The following PSMD14 variants were observed in gnomAD, a reference collection of about 807,000 sequenced individuals.
PSMD14 encodes the protein ubiquitin C-terminal hydrolase PSMD14.
In PSMD14, 7 loss-of-function variants were observed where a neutral mutation model predicts 41.2. The observed-to-expected ratio is 0.17, with a 90% CI of 0.10 to 0.32. The LOEUF is 0.32. PSMD14 is among the 10% of genes least tolerant of loss of function. The pLI is 1.00. For missense variants in PSMD14, 139 were observed against 375.6 expected (o/e 0.37, Z 5.21); for synonymous variants, 114 against 122.3 (o/e 0.93, Z 0.45).
intron 3 of PSMD14, among the ~76,000 whole-genome samples, chr2:161,321,821 C>T (rs560107782): frequency 1.3e-5 from 2 of 152,286 alleles, no homozygotes; most frequent in South Asian, 4.1e-4. Flanking sequence ...AGCTCCTGTG[C>T]CCTCTCTTCA....
intron 3 of PSMD14, among the ~76,000 whole-genome samples, chr2:161,337,973 A>G (rs956956851): frequency 6.6e-6 from 1 of 152,262 alleles, no homozygotes; most frequent in African/African-American, 2.4e-5. Context: ...AAGAATAAAA[A>G]GGGATGAGAA....
chr2:161,411,420 A>G lies in PSMD14; in HGVS notation c.*20A>G. ...AAATAAAGCAACGAAAAACGCTATTAATGATGCCTTCAGTGTATATTCCTC... is the reference window on the plus strand; with the variant it reads ...AAATAAAGCAACGAAAAACGCTATTGATGATGCCTTCAGTGTATATTCCTC... On this transcript the variant is annotated 3_prime_UTR_variant, in exon 12 of 12. Transcript: ENST00000409682. 4 of 1,522,902 alleles carry G rather than the reference A, an allele frequency of 2.6e-6. No homozygotes were observed. The highest frequency in any genetic ancestry group is 3.6e-6 in the Non-Finnish European group (4 of 1,104,134). 94.3% of individuals were successfully genotyped at this position (1,522,902 alleles called of 1,614,324 possible). A position where few individuals can be genotyped will look rare whatever the true frequency, so the allele number is the denominator to read the frequency against.
chr2:161,386,268 T>A (rs1224209968), intron 8 of PSMD14, among the ~76,000 whole-genome samples: 1 of 151,900 alleles, frequency 6.6e-6, no homozygotes, highest in African/African-American at 2.4e-5. Flanking sequence ...TCTGTGTCTA[T>A]CTAGTTAATT....
intron 7 of PSMD14, among the ~76,000 whole-genome samples, chr2:161,373,240 T>G (rs766604064): frequency 6.6e-6 from 1 of 151,912 alleles, no homozygotes; most frequent in Non-Finnish European, 1.5e-5. Flanking sequence ...ATAATATATC[T>G]AAAATTTATG....
chr2:161,394,499 A>G (rs1574140757), intron 9 of PSMD14, among the ~76,000 whole-genome samples: 1 of 152,206 alleles, frequency 6.6e-6, no homozygotes, highest in African/African-American at 2.4e-5. Flanking sequence ...GGCATTTGAA[A>G]GCTAGGCTAT....
At chr2:161,351,412 CCTT>C (rs1683115807) in intron 3 of PSMD14, among the ~76,000 whole-genome samples, 2 of 152,276 alleles carry the variant, frequency 1.3e-5, no homozygotes, top group South Asian at 4.1e-4. Context: ...TTTGCTCTGA[CCTT>C]CTCATATCTC....
chr2:161,332,073 A>T (rs1246491801), intron 3 of PSMD14, among the ~76,000 whole-genome samples: 1 of 152,170 alleles, frequency 6.6e-6, no homozygotes, highest in Non-Finnish European at 1.5e-5. Flanking sequence ...TAGTCTTGTA[A>T]TTTTTATTGT....
chr2:161,378,601 C>T (rs1683533961), intron 7 of PSMD14, among the ~76,000 whole-genome samples: 1 of 151,904 alleles, frequency 6.6e-6, no homozygotes, highest in South Asian at 2.1e-4. Context: ...AGACACAAAC[C>T]TTGCTGTTGA....
At chr2:161,388,487 G>A (rs1298498139) in intron 8 of PSMD14, among the ~76,000 whole-genome samples, 1 of 151,976 alleles carries the variant, frequency 6.6e-6, no homozygotes, top group Non-Finnish European at 1.5e-5. Flanking sequence ...TATATATACA[G>A]TTAAAAAAAT....
intron 3 of PSMD14, among the ~76,000 whole-genome samples, chr2:161,324,693 A>C (rs1682668435): frequency 6.7e-6 from 1 of 149,856 alleles, no homozygotes; most frequent in Non-Finnish European, 1.5e-5. Flanking sequence ...TTGTGAGGTA[A>C]TTTGATCTGT....
Position 161,408,902 on chromosome 2 carries a change from G to A in PSMD14, c.834+3G>A. ...CAATAAAGAATGTTGGCAAGCAGGT[G>A]AGGTGTACTGTTAATAAGTTATGCA... On this transcript the variant is annotated splice_donor_region_variant and intron_variant, in intron 11 of 11. Transcript: ENST00000409682. 1 of 1,594,880 alleles carries A rather than the reference G, an allele frequency of 6.3e-7. No homozygotes were observed. The highest frequency in any genetic ancestry group is 8.6e-7 in the Non-Finnish European group (1 of 1,164,816).
intron 3 of PSMD14, among the ~76,000 whole-genome samples, chr2:161,323,314 C>T (rs1226363168): frequency 2.1e-4 from 32 of 152,220 alleles, no homozygotes; most frequent in Non-Finnish European, 7.4e-5. Flanking sequence ...TTTCTCATTA[C>T]GGTGTCCATT....
intron 1 of PSMD14, among the ~76,000 whole-genome samples, chr2:161,310,806 G>T (rs1363561952): frequency 4.6e-5 from 7 of 152,064 alleles, no homozygotes; most frequent in South Asian, 2.1e-4. Context: ...GAGGTCAACT[G>T]GTTCAAGAGC....
intron 3 of PSMD14, among the ~76,000 whole-genome samples, chr2:161,321,031 T>C (rs1256507080): frequency 1.3e-5 from 2 of 152,250 alleles, no homozygotes; most frequent in Admixed American, 1.3e-4. Context: ...CAGACTATTA[T>C]TTATTTTTAA....
intron 3 of PSMD14, among the ~76,000 whole-genome samples, chr2:161,348,565 C>T (rs1290489756): frequency 6.6e-6 from 1 of 152,178 alleles, no homozygotes; most frequent in Non-Finnish European, 1.5e-5. Context: ...ATAATCCTCA[C>T]ATAGTTCATA....
chr2:161,396,623 G>A (rs1319192808), intron 10 of PSMD14, among the ~76,000 whole-genome samples: 1 of 152,134 alleles, frequency 6.6e-6, no homozygotes, highest in Non-Finnish European at 1.5e-5. Flanking sequence ...TACCAGGAAT[G>A]TGAGGTTTGG....
intron 9 of PSMD14, 43 bp from the exon 10 acceptor site, chr2:161,395,035 T>C (rs1441302086): frequency 6.7e-7 from 1 of 1,487,106 alleles, no homozygotes; most frequent in Non-Finnish European, 9.0e-7. Flanking sequence ...GAAGGGGGTA[T>C]CCTCAAGGCA....
intron 5 of PSMD14, 54 bp downstream of exon 5, chr2:161,367,957 C>A (rs1683381617): frequency 6.4e-7 from 1 of 1,556,080 alleles, no homozygotes; most frequent in South Asian, 1.2e-5. Context: ...TTTCATTTTT[C>A]TTTTCCTATG....
chr2:161,357,724 A>G (rs745516140), intron 3 of PSMD14, among the ~76,000 whole-genome samples: 4 of 152,198 alleles, frequency 2.6e-5, no homozygotes, highest in East Asian at 1.9e-4. Context: ...TTACTTTTCT[A>G]TTGTCAGTGA....
Sources: allele counts gnomAD v4.1 joint callset (sites outside exome capture counted in the v4.1 genomes callset), GRCh38; gene constraint gnomAD v4.1.1; transcripts MANE v1.5; gene names NCBI Gene and HGNC (gene_info 2026-07-23, HGNC 2026-07-21).